MAL2: variants seen among roughly 807,000 people sequenced by gnomAD.
The protein encoded by MAL2 is mal, T cell differentiation protein 2.
In MAL2, 17 loss-of-function variants were observed where a neutral mutation model predicts 18.1. The ratio of observed to expected loss-of-function variants is 0.94; its 90% CI spans 0.64 to 1.41. MAL2 has a LOEUF of 1.41. MAL2 is among the 40% of genes most tolerant of loss of function. MAL2 has a pLI of 0.00. For synonymous variants in MAL2, 102 were observed against 102.3 expected, an observed-to-expected ratio of 1.00 and a Z score of 0.02; for missense variants, 222 against 231.9, an observed-to-expected ratio of 0.96 and a Z score of 0.28.
intron 2 of MAL2, among the ~76,000 whole-genome samples, chr8:119,237,892 C>CCAT (rs887117238): frequency 4.3e-4 from 66 of 152,258 alleles, no homozygotes; most frequent in African/African-American, 1.6e-3. Flanking sequence ...ACAGGGATGC[C>CCAT]CTCTCTCACC....
chr8:119,213,656 C>A (rs1265966280), intron 1 of MAL2, among the ~76,000 whole-genome samples: 4 of 152,058 alleles, frequency 2.6e-5, no homozygotes, highest in African/African-American at 9.7e-5. Context: ...CCCATCTCTA[C>A]TAAAAATACA....
At chr8:119,231,480 C>A (rs1245013620) in intron 2 of MAL2, among the ~76,000 whole-genome samples, 1 of 152,066 alleles carries the variant, frequency 6.6e-6, no homozygotes, top group African/African-American at 2.4e-5. Context: ...CAAAGGGAAC[C>A]CTTGCACACT....
chr8:119,233,702 A>G (rs918566997), intron 2 of MAL2, among the ~76,000 whole-genome samples: 12 of 152,072 alleles, frequency 7.9e-5, no homozygotes, highest in Non-Finnish European at 1.6e-4. Context: ...CCAACCAAAA[A>G]GAGTCCAGGA....
chr8:119,212,437 C>T (rs576334702), intron 1 of MAL2, among the ~76,000 whole-genome samples: 1 of 152,292 alleles, frequency 6.6e-6, no homozygotes, highest in Non-Finnish European at 1.5e-5. Flanking sequence ...TTCATTTACT[C>T]AGCTTATAAT....
At chr8:119,229,563 C>A (rs184970853) in intron 2 of MAL2, among the ~76,000 whole-genome samples, 1 of 152,090 alleles carries the variant, frequency 6.6e-6, no homozygotes, top group African/African-American at 2.4e-5. Flanking sequence ...TCCACCACAT[C>A]GGCCTCCCAA....
In MAL2 at chr8:119,208,485, G is replaced by A. The variant is rs1251306659; in HGVS notation, c.13G>A (p.Gly5Arg). The change falls in exon 1 of 4, where the codon GGA becomes AGA. Residue 5 changes from glycine (G) to arginine (R), a missense_variant. Physicochemically the swap from Gly to Arg is moderately radical, Grantham distance 125 (BLOSUM62 -2). Transcript: ENST00000614891. This position sits in a 1 kb window ranked among gnomAD's most constrained non-coding sequence, Gnocchi z 4.3. ...CGGCAGCGGCAGCATGTCGGCCGGC[G>A]GAGCGTCAGTCCCGCCGCCCCCGAA... is the stretch of plus-strand genomic sequence containing the variant. MSAGGASVPPPPNPA... is the reference protein window; with the variant it reads MSAGRASVPPPPNPA... The A allele has an allele frequency of 2.3e-6, 3 of 1,277,712 alleles. No homozygotes were observed. The highest frequency in any genetic ancestry group is 3.0e-6 in the Non-Finnish European group (3 of 1,011,578). The allele number at this position is 1,277,712 out of a possible 1,614,324, so 79.1% of individuals were successfully genotyped here.
intron 3 of MAL2, 151 bp from the exon 4 acceptor site, chr8:119,243,266 C>CAAAAA: frequency 2.2e-6 from 1 of 446,314 alleles, no homozygotes; most frequent in East Asian, 3.9e-5. Context: ...TACAAATCAT[C>CAAAAA]AAAAAAAAAA....
intron 1 of MAL2, among the ~76,000 whole-genome samples, chr8:119,212,507 G>A (rs995050665): frequency 1.3e-5 from 2 of 152,110 alleles, no homozygotes; most frequent in African/African-American, 4.8e-5. Flanking sequence ...AACTAACATG[G>A]CTCCTGCCCT....
At chr8:119,222,851 T>A (rs62532253) in intron 2 of MAL2, among the ~76,000 whole-genome samples, 1 of 151,696 alleles carries the variant, frequency 6.6e-6, no homozygotes, top group Non-Finnish European at 1.5e-5. Flanking sequence ...AAAAAAAATT[T>A]GCAATCAACA....
At chr8:119,219,507 A>G (rs974892721) in intron 1 of MAL2, among the ~76,000 whole-genome samples, 1 of 149,396 alleles carries the variant, frequency 6.7e-6, no homozygotes, top group Non-Finnish European at 1.5e-5. Flanking sequence ...AGCGTGCTCT[A>G]TCACTCTCCC....
intron 2 of MAL2, among the ~76,000 whole-genome samples, chr8:119,232,078 AGAT>A (rs992671823): frequency 1.3e-5 from 2 of 150,962 alleles, no homozygotes; most frequent in African/African-American, 5.0e-5. Flanking sequence ...CACAAAAAAA[AGAT>A]AATTTTGGGA....
intron 1 of MAL2, among the ~76,000 whole-genome samples, chr8:119,212,237 T>G (rs1427354790): frequency 6.6e-6 from 1 of 152,246 alleles, no homozygotes; most frequent in Non-Finnish European, 1.5e-5. Flanking sequence ...AAATTGAATT[T>G]TTAATAGTAT....
At chr8:119,216,928 G>C (rs1370747695) in intron 1 of MAL2, among the ~76,000 whole-genome samples, 1 of 152,130 alleles carries the variant, frequency 6.6e-6, no homozygotes, top group Admixed American at 6.6e-5. Context: ...TTAAAAGCAG[G>C]TAATTAGGAA....
intron 2 of MAL2, chr8:119,223,915 G>A (rs1440965662): frequency 6.6e-6 from 1 of 151,960 alleles, no homozygotes; most frequent in Non-Finnish European, 1.5e-5. Flanking sequence ...TGTATATAAT[G>A]GAATTGTCAC....
At chr8:119,220,261 C>T (rs1368581976) in intron 1 of MAL2, among the ~76,000 whole-genome samples, 1 of 152,198 alleles carries the variant, frequency 6.6e-6, no homozygotes, top group African/African-American at 2.4e-5. Flanking sequence ...CACATCTGAT[C>T]AGTTACCAAC....
intron 1 of MAL2, among the ~76,000 whole-genome samples, chr8:119,214,866 T>C (rs1052151599): frequency 1.3e-5 from 2 of 152,220 alleles, no homozygotes; most frequent in African/African-American, 4.8e-5. Flanking sequence ...ATCCCAGAAT[T>C]TGTTCTGTTT....
chr8:119,233,277 GC>G (rs1253343975), intron 2 of MAL2, among the ~76,000 whole-genome samples: 4 of 151,970 alleles, frequency 2.6e-5, no homozygotes, highest in Non-Finnish European at 5.9e-5. Flanking sequence ...AAAAGCAAGA[GC>G]AAACAAACAC....
intron 1 of MAL2, among the ~76,000 whole-genome samples, chr8:119,210,961 A>G (rs2129768072): frequency 6.6e-6 from 1 of 152,316 alleles, no homozygotes; most frequent in East Asian, 1.9e-4. Flanking sequence ...AGACCACACT[A>G]GAGTCAAACT....
At chr8:119,225,112 T>C (rs1230546358) in intron 2 of MAL2, among the ~76,000 whole-genome samples, 1 of 152,114 alleles carries the variant, frequency 6.6e-6, no homozygotes. Context: ...TTGCAGATAG[T>C]ATTTTCTCAC....
Sources: gnomAD v4.1 joint callset for allele counts (sites outside exome capture counted in the v4.1 genomes callset) on GRCh38, gnomAD v4.1.1 for gene constraint, Gnocchi (gnomAD v3.1) non-coding constraint, MANE v1.5 for transcripts, NCBI Gene and HGNC (gene_info 2026-07-23, HGNC 2026-07-21) for gene names.